Variants in MAP7 observed in about 807,000 individuals in gnomAD.
The protein encoded by MAP7 is microtubule associated protein 7, also known as ensconsin.
MAP7 carries 52 observed loss-of-function variants against 94.8 expected under a neutral mutation model. The observed-to-expected ratio is 0.55, with a 90% CI of 0.44 to 0.69. The LOEUF is 0.69. Ranked by LOEUF, MAP7 falls within the 30% of genes least tolerant of loss-of-function variation. The pLI, the probability that MAP7 is intolerant of heterozygous loss-of-function variation, is 0.00. For synonymous variants in MAP7, 350 were observed against 357.0 expected, an observed-to-expected ratio of 0.98 and a Z score of 0.22; for missense variants, 940 against 964.6, an observed-to-expected ratio of 0.97 and a Z score of 0.34.
chr6:136,519,727 C>T (rs1307008208), intron 1 of MAP7, among the ~76,000 whole-genome samples: 1 of 152,134 alleles, frequency 6.6e-6, no homozygotes, highest in Non-Finnish European at 1.5e-5. Flanking sequence ...TTCTCAGAAC[C>T]ACTGTGTCCC....
intron 1 of MAP7, among the ~76,000 whole-genome samples, chr6:136,505,297 A>ATATATAT (rs1821157608): frequency 7.4e-6 from 1 of 135,732 alleles, no homozygotes; most frequent in Admixed American, 7.4e-5. Flanking sequence ...ATATATATAT[A>ATATATAT]TATATATATA....
chr6:136,479,459 G>A (rs567171384), intron 1 of MAP7, among the ~76,000 whole-genome samples: 100 of 152,254 alleles, frequency 6.6e-4, no homozygotes, highest in African/African-American at 2.2e-3. Flanking sequence ...AGACAAGAAT[G>A]TCCACTTTCA....
At chr6:136,414,407 T>C (rs1330238311) in intron 2 of MAP7, among the ~76,000 whole-genome samples, 2 of 151,896 alleles carry the variant, frequency 1.3e-5, no homozygotes, top group African/African-American at 4.8e-5. Flanking sequence ...AAAGGTTTAA[T>C]TTGGAAACAA....
intron 1 of MAP7, among the ~76,000 whole-genome samples, chr6:136,548,756 T>C (rs1466621785): frequency 2.6e-5 from 4 of 152,250 alleles, no homozygotes; most frequent in Admixed American, 6.5e-5. Context: ...AAGTTTATTT[T>C]TGAGCACAAA....
chr6:136,421,941 C>T, intron 1 of MAP7, 142 bp from the exon 2 acceptor site: 1 of 623,796 alleles, frequency 1.6e-6, no homozygotes, highest in East Asian at 2.9e-5. Flanking sequence ...GAAGTAGTTA[C>T]AACCTGTGCC....
At chr6:136,449,434 G>A (rs776409374) in intron 1 of MAP7, among the ~76,000 whole-genome samples, 6 of 152,232 alleles carry the variant, frequency 3.9e-5, no homozygotes, top group Non-Finnish European at 8.8e-5. Context: ...GAGTGACTCC[G>A]TGCTGCCATA....
chr6:136,464,250 T>C (rs1806202658), intron 1 of MAP7, among the ~76,000 whole-genome samples: 1 of 152,238 alleles, frequency 6.6e-6, no homozygotes, highest in African/African-American at 2.4e-5. Context: ...TCTTTTCTTC[T>C]TCCAAAAGTT....
chr6:136,350,813 G>C (rs996603399), intron 16 of MAP7, among the ~76,000 whole-genome samples: 2 of 152,154 alleles, frequency 1.3e-5, no homozygotes, highest in Admixed American at 6.5e-5. Context: ...AGCCATGCTC[G>C]TACCACTGCA....
intron 1 of MAP7, among the ~76,000 whole-genome samples, chr6:136,525,159 T>C (rs1300465544): frequency 6.6e-6 from 1 of 152,202 alleles, no homozygotes; most frequent in Non-Finnish European, 1.5e-5. Flanking sequence ...CCTTTCATAC[T>C]GTGAAAGAAC....
intron 1 of MAP7, among the ~76,000 whole-genome samples, chr6:136,512,257 G>A (rs1823509390): frequency 6.6e-6 from 1 of 152,214 alleles, no homozygotes; most frequent in Non-Finnish European, 1.5e-5. Context: ...AACCAGATTT[G>A]GGCTTCTGCC....
At chr6:136,522,118 G>A (rs1259163228) in intron 1 of MAP7, among the ~76,000 whole-genome samples, 1 of 152,156 alleles carries the variant, frequency 6.6e-6, no homozygotes, top group Non-Finnish European at 1.5e-5. Flanking sequence ...GTCTAAGGCA[G>A]GTTTGCCTTG....
chr6:136,505,672 G>C (rs1821307984), intron 1 of MAP7, among the ~76,000 whole-genome samples: 1 of 151,922 alleles, frequency 6.6e-6, no homozygotes. Context: ...AGAAACATAT[G>C]AGTACCAGAC....
rs1429501624 is a variant in MAP7, at chr6:136,342,940, T to C, written c.*1288A>G. 4.6e-5 allele frequency: 7 copies of C among 152,168 alleles called. No homozygotes were observed. In the South Asian group the frequency reaches 1.0e-3, roughly 23 times the overall value. The allele number at this position is 152,168 out of a possible 1,614,324, so 9.4% of individuals were successfully genotyped here. On this transcript the variant is annotated 3_prime_UTR_variant, in exon 18 of 18. Transcript: ENST00000354570. ...GCCTGGATTAAAAAAAATAGTCCAA[T>C]AGATGAAGTCTCTCATTCAACCTAG...
At chr6:136,364,292 C>A in intron 10 of MAP7, 1 of 517,814 alleles carries the variant, frequency 1.9e-6, no homozygotes. Flanking sequence ...AAGCCTTGGC[C>A]AATGTTGACA....
intron 1 of MAP7, among the ~76,000 whole-genome samples, chr6:136,478,137 G>A (rs541575600): frequency 1.3e-5 from 2 of 152,112 alleles, no homozygotes; most frequent in South Asian, 4.1e-4. Flanking sequence ...AGGATACAGT[G>A]AAAACTATAA....
chr6:136,501,979 C>T (rs1819957128), intron 1 of MAP7, among the ~76,000 whole-genome samples: 1 of 152,188 alleles, frequency 6.6e-6, no homozygotes, highest in South Asian at 2.1e-4. Context: ...CTGGCATTCA[C>T]AGAGGTAGTA....
At chr6:136,359,393 A>C (rs1388860536) in intron 15 of MAP7, among the ~76,000 whole-genome samples, 4 of 152,214 alleles carry the variant, frequency 2.6e-5, no homozygotes, top group Non-Finnish European at 2.9e-5. Context: ...TCTATAATAC[A>C]AGTTGTCCAA....
intron 16 of MAP7, among the ~76,000 whole-genome samples, chr6:136,351,050 C>T (rs763042920): frequency 6.6e-6 from 1 of 151,786 alleles, no homozygotes; most frequent in African/African-American, 2.4e-5. Context: ...AATAGCCCCT[C>T]GAGAAAACAG....
At chr6:136,427,994 C>A (rs1162298403) in intron 1 of MAP7, among the ~76,000 whole-genome samples, 1 of 152,182 alleles carries the variant, frequency 6.6e-6, no homozygotes, top group Non-Finnish European at 1.5e-5. Flanking sequence ...ACAAACCCAA[C>A]AAAAGACATT....
Sources: gnomAD v4.1 joint callset for allele counts (sites outside exome capture counted in the v4.1 genomes callset) on GRCh38, gnomAD v4.1.1 for gene constraint, MANE v1.5 for transcripts, NCBI Gene and HGNC (gene_info 2026-07-23, HGNC 2026-07-21) for gene names.